Variants in SRRM4 observed in about 807,000 individuals in gnomAD.
SRRM4 encodes serine/arginine repetitive matrix 4, also known as serine/arginine repetitive matrix protein 4.
SRRM4 carries 33 observed loss-of-function variants against 68.9 expected under a neutral mutation model. That is an observed-to-expected ratio of 0.48 (90% CI 0.36 to 0.64). The LOEUF is 0.64. Among genes scored for constraint, SRRM4 ranks in the 30% least tolerant of loss-of-function variants. SRRM4 has a pLI of 0.00. For synonymous variants in SRRM4, 318 were observed against 318.8 expected, an observed-to-expected ratio of 1.00 and a Z score of 0.03; for missense variants, 817 against 827.1, an observed-to-expected ratio of 0.99 and a Z score of 0.15.
chr12:119,021,964 C>T (rs1240557026), intron 1 of SRRM4, among the ~76,000 whole-genome samples: 1 of 151,974 alleles, frequency 6.6e-6, no homozygotes, highest in East Asian at 1.9e-4. Context: ...ATTGCTGGGT[C>T]AAATGGTATT....
chr12:119,042,564 A>G (rs1029110264), intron 1 of SRRM4, among the ~76,000 whole-genome samples: 1 of 151,426 alleles, frequency 6.6e-6, no homozygotes, highest in South Asian at 2.1e-4. Flanking sequence ...TCTGAGAGGA[A>G]GAGGGGGTGG....
chr12:119,076,880 A>G (rs1330743410), intron 1 of SRRM4, among the ~76,000 whole-genome samples: 2 of 152,198 alleles, frequency 1.3e-5, no homozygotes, highest in Non-Finnish European at 2.9e-5. Flanking sequence ...GGGTTAGGAA[A>G]GAATTAAGAA....
chr12:119,020,684 G>T (rs1311565828), intron 1 of SRRM4, among the ~76,000 whole-genome samples: 1 of 152,224 alleles, frequency 6.6e-6, no homozygotes, highest in Non-Finnish European at 1.5e-5. Context: ...TTAAAGACAG[G>T]CCCGGTGTGA....
At chr12:119,058,404 C>T (rs914651391) in intron 1 of SRRM4, among the ~76,000 whole-genome samples, 1 of 152,268 alleles carries the variant, frequency 6.6e-6, no homozygotes, top group African/African-American at 2.4e-5. Context: ...GATAGATATT[C>T]CCTGAGACTG....
intron 1 of SRRM4, among the ~76,000 whole-genome samples, chr12:119,012,844 T>C (rs928822058): frequency 6.6e-6 from 1 of 152,236 alleles, no homozygotes; most frequent in Non-Finnish European, 1.5e-5. Flanking sequence ...ATTTTCTCTG[T>C]TGATATTTAC....
At chr12:119,001,875 T>C (rs965761331) in intron 1 of SRRM4, 2 of 151,580 alleles carry the variant, frequency 1.3e-5, no homozygotes, top group African/African-American at 4.9e-5. Context: ...CCCAGCTACT[T>C]GGGAGGCTAA....
At chr12:119,115,231 G>A (rs1341034817) in intron 3 of SRRM4, among the ~76,000 whole-genome samples, 2 of 152,204 alleles carry the variant, frequency 1.3e-5, no homozygotes, top group South Asian at 2.1e-4. Context: ...GGTGGGTGTT[G>A]GAGGGGAGGG....
At chr12:119,057,593 C>T (rs886971464) in intron 1 of SRRM4, among the ~76,000 whole-genome samples, 4 of 152,116 alleles carry the variant, frequency 2.6e-5, no homozygotes, top group Admixed American at 6.6e-5. Context: ...TCCAGTCTAT[C>T]GTTGATGGGC....
chr12:119,136,151 G>A (rs1401366021), intron 8 of SRRM4, among the ~76,000 whole-genome samples: 1 of 152,180 alleles, frequency 6.6e-6, no homozygotes, highest in Non-Finnish European at 1.5e-5. Context: ...TGTTCTCGGA[G>A]TATCTTTAGC....
intron 1 of SRRM4, among the ~76,000 whole-genome samples, chr12:119,015,480 C>A (rs1447025763): frequency 6.6e-6 from 1 of 152,170 alleles, no homozygotes; most frequent in Non-Finnish European, 1.5e-5. Flanking sequence ...GAATAAAACC[C>A]CAAGCTCCTG....
chr12:119,003,234 C>G (rs1953396456), intron 1 of SRRM4, among the ~76,000 whole-genome samples: 1 of 151,666 alleles, frequency 6.6e-6, no homozygotes, highest in African/African-American at 2.4e-5. Context: ...TAGATTTAAC[C>G]CAGCCATTTG....
chr12:119,045,914 TGTA>T (rs1469045312), intron 1 of SRRM4, among the ~76,000 whole-genome samples: 2 of 152,036 alleles, frequency 1.3e-5, no homozygotes, highest in Non-Finnish European at 2.9e-5. Context: ...GGTGTGCACC[TGTA>T]GTCCCAGCTA....
At chr12:119,060,677 T>C (rs1307862897) in intron 1 of SRRM4, among the ~76,000 whole-genome samples, 1 of 151,942 alleles carries the variant, frequency 6.6e-6, no homozygotes, top group Non-Finnish European at 1.5e-5. Flanking sequence ...ACTTCAACCG[T>C]GTAACACTCA....
intron 1 of SRRM4, among the ~76,000 whole-genome samples, chr12:119,081,806 A>G (rs1264112649): frequency 3.9e-5 from 6 of 152,240 alleles, no homozygotes; most frequent in East Asian, 1.9e-4. Flanking sequence ...TGAAGTTAGC[A>G]TCTAGATTTG....
chr12:119,128,222 T>C (rs897140105), intron 7 of SRRM4, among the ~76,000 whole-genome samples: 1 of 152,182 alleles, frequency 6.6e-6, no homozygotes, highest in Non-Finnish European at 1.5e-5. Context: ...TAATCAAGTC[T>C]GAGCCCAGAT....
At chr12:119,022,963 G>C (rs942756908) in intron 1 of SRRM4, among the ~76,000 whole-genome samples, 5 of 152,172 alleles carry the variant, frequency 3.3e-5, no homozygotes, top group Non-Finnish European at 7.3e-5. Context: ...ACAATGAGCA[G>C]AGCATCTCTT....
chr12:119,123,405 C>G (rs1954235790), intron 6 of SRRM4, among the ~76,000 whole-genome samples: 1 of 152,220 alleles, frequency 6.6e-6, no homozygotes, highest in Middle Eastern at 3.4e-3. Context: ...AGATAGAGTA[C>G]ACGTTCCCAG....
At chr12:119,038,425 A>G (rs954574733) in intron 1 of SRRM4, among the ~76,000 whole-genome samples, 3 of 151,958 alleles carry the variant, frequency 2.0e-5, no homozygotes, top group African/African-American at 7.2e-5. Flanking sequence ...GTTAGCCAGG[A>G]TGGTCTCGAT....
intron 1 of SRRM4, among the ~76,000 whole-genome samples, chr12:119,033,580 C>T (rs1953606946): frequency 6.6e-6 from 1 of 151,828 alleles, no homozygotes; most frequent in Non-Finnish European, 1.5e-5. Flanking sequence ...AGGAGAATCG[C>T]TTGAACCCAA....
Sources: allele counts gnomAD v4.1 joint callset (sites outside exome capture counted in the v4.1 genomes callset), GRCh38; gene constraint gnomAD v4.1.1; transcripts MANE v1.5; gene names NCBI Gene and HGNC (gene_info 2026-07-23, HGNC 2026-07-21).